The following TRAPPC8 variants were observed in gnomAD, a reference collection of about 807,000 sequenced individuals.
TRAPPC8 encodes general sporulation gene 1 homolog.
Under a neutral mutation model 174.3 loss-of-function variants are expected in TRAPPC8, and 54 were observed. The ratio of observed to expected loss-of-function variants is 0.31; its 90% CI spans 0.25 to 0.39. The LOEUF is 0.39. TRAPPC8 is among the 10% of genes least tolerant of loss of function. The probability of loss-of-function intolerance (pLI) is 1.00; values close to 1 mark genes in which losing one functional copy is unlikely to be tolerated. For synonymous variants in TRAPPC8, 630 were observed against 579.9 expected (o/e 1.09, Z -1.24); for missense variants, 1,531 against 1,699.1 (o/e 0.90, Z 1.74).
chr18:31,881,524 C>G (rs1473608895), intron 12 of TRAPPC8, among the ~76,000 whole-genome samples: 1 of 151,886 alleles, frequency 6.6e-6, no homozygotes, highest in East Asian at 1.9e-4. Flanking sequence ...AAGATAAGAC[C>G]TCAAAGTATA....
At chr18:31,887,887 A>G (rs901599310) in intron 12 of TRAPPC8, among the ~76,000 whole-genome samples, 5 of 152,168 alleles carry the variant, frequency 3.3e-5, no homozygotes, top group African/African-American at 1.2e-4. Flanking sequence ...GGGTATTCAA[A>G]TACGAAGAGA....
chr18:31,890,017 C>T (rs905394728), intron 12 of TRAPPC8, among the ~76,000 whole-genome samples: 1 of 152,092 alleles, frequency 6.6e-6, no homozygotes, highest in Non-Finnish European at 1.5e-5. Flanking sequence ...CTCATATGCC[C>T]CTAATAGATC....
chr18:31,840,961 A>C (rs1359975245), intron 26 of TRAPPC8, among the ~76,000 whole-genome samples: 1 of 152,176 alleles, frequency 6.6e-6, no homozygotes, highest in Non-Finnish European at 1.5e-5. Context: ...AAAAGATTAT[A>C]GCCTAATCAG....
At position 31,829,569 on chromosome 18, in the gene TRAPPC8, G is replaced by A. The variant is rs986847182; in HGVS notation, c.*1186C>T. ...ACTAGCCACCCATCTCTCAAGAAGA[G>A]TTGTTCCAAGTACAGGTTTGGAATC... is the stretch of plus-strand genomic sequence containing the variant. On this transcript the variant is annotated 3_prime_UTR_variant, in exon 29 of 29. Coordinates refer to ENST00000283351, the MANE Select transcript of TRAPPC8 (RefSeq NM_014939.5). 6.6e-6 allele frequency: 1 copy of A among 152,264 alleles called. No homozygotes were observed. Among genetic ancestry groups the A allele is most frequent in the African/African-American group, 2.4e-5 (1 of 41,456 alleles). The allele number at this position is 152,264 out of a possible 1,614,324, so 9.4% of individuals were successfully genotyped here.
chr18:31,867,286 A>G lies in TRAPPC8; in HGVS notation c.2463+116T>C. On this transcript the variant is annotated intron_variant, in intron 17 of 28. Transcript: ENST00000283351. ...GCAATTCCTATGTCCTAATCTTCCA[A>G]ATTTTAGTTCTTAAGAAAACTAGAA... 3 of 844,170 alleles carry G rather than the reference A, an allele frequency of 3.6e-6. No individual in the cohort carries two copies. In the Admixed American group the frequency reaches 8.4e-5, roughly 24 times the overall value. The allele number at this position is 844,170 out of a possible 1,614,324, so 52.3% of individuals were successfully genotyped here. A position where few individuals can be genotyped will look rare whatever the true frequency, so the allele number is the denominator to read the frequency against.
Position 31,931,450 on chromosome 18 carries a change from G to A in TRAPPC8, c.231C>T (p.Thr77=), listed in dbSNP as rs150269989. 8 of 1,613,134 alleles carry A rather than the reference G, an allele frequency of 5.0e-6. No homozygotes were observed. The African/African-American group carries it at 1.1e-4, about 22-fold the overall frequency. ...GGATGGCTCCAGGCTGAGGTGGCTG[G>A]GTGACAATGTTGCTTACTGCTATCT... is the stretch of plus-strand genomic sequence containing the variant. ...NLKIAVSNIV[T]QPPQPGAIRK... is the part of the protein sequence containing the mutation. Residue 77 remains threonine (T), a synonymous_variant, in exon 2 of 29, where the codon ACC becomes ACT. Coordinates refer to ENST00000283351, the MANE Select transcript of TRAPPC8 (RefSeq NM_014939.5).
intron 9 of TRAPPC8, among the ~76,000 whole-genome samples, chr18:31,903,123 T>TGC (rs35793916): frequency 0.44 from 63,615 of 144,158 alleles, 13,854 homozygotes; most frequent in South Asian, 0.63. Context: ...CGTGCGTGCG[T>TGC]GTGTGTGTGT....
At chr18:31,878,320 T>C (rs1440280872) in intron 12 of TRAPPC8, among the ~76,000 whole-genome samples, 1 of 151,930 alleles carries the variant, frequency 6.6e-6, no homozygotes, top group Admixed American at 6.6e-5. Flanking sequence ...CAAAAAGAGA[T>C]TTGGGGCCTG....
chr18:31,840,897 C>A (rs1399842331), intron 26 of TRAPPC8, among the ~76,000 whole-genome samples: 1 of 151,474 alleles, frequency 6.6e-6, no homozygotes, highest in Admixed American at 6.6e-5. Flanking sequence ...CAAGTAACAC[C>A]CTGGGGCTAC....
At chr18:31,839,478 C>T in intron 26 of TRAPPC8, 21 bp from the exon 27 acceptor site, 2 of 1,532,978 alleles carry the variant, frequency 1.3e-6, no homozygotes, top group Non-Finnish European at 1.8e-6. Context: ...AAAGAAAAAA[C>T]ATATGACAAT....
intron 2 of TRAPPC8, among the ~76,000 whole-genome samples, chr18:31,928,933 C>T (rs942867934): frequency 2.9e-4 from 44 of 152,132 alleles, no homozygotes; most frequent in Non-Finnish European, 5.9e-4. Flanking sequence ...GTAATCCCAG[C>T]ACTTTGGGAG....
chr18:31,834,949 T>A (rs991828452), intron 27 of TRAPPC8, among the ~76,000 whole-genome samples: 3 of 152,202 alleles, frequency 2.0e-5, no homozygotes, highest in African/African-American at 7.2e-5. Flanking sequence ...TTTAACTGTA[T>A]TGTCCTCTCA....
intron 12 of TRAPPC8, among the ~76,000 whole-genome samples, chr18:31,890,365 A>T (rs925414773): frequency 7.9e-5 from 12 of 152,286 alleles, no homozygotes; most frequent in Middle Eastern, 3.4e-3. Context: ...GGATTTTTTT[A>T]AAAAGTACTT....
chr18:31,901,110 T>C (rs927347755), intron 9 of TRAPPC8, 85 bp from the exon 10 acceptor site: 1 of 1,256,838 alleles, frequency 8.0e-7, no homozygotes, highest in Non-Finnish European at 1.1e-6. Flanking sequence ...GGAATGAAAT[T>C]TGCTGTTTTT....
intron 18 of TRAPPC8, among the ~76,000 whole-genome samples, chr18:31,865,361 T>A (rs1488213693): frequency 6.6e-6 from 1 of 152,042 alleles, no homozygotes; most frequent in Non-Finnish European, 1.5e-5. Flanking sequence ...AGTGCATGTA[T>A]GTGTGAAAAA....
chr18:31,941,035 AAAAAG>A (rs2038313783), intron 1 of TRAPPC8, among the ~76,000 whole-genome samples: 1 of 152,230 alleles, frequency 6.6e-6, no homozygotes, highest in African/African-American at 2.4e-5. Flanking sequence ...ATGAGGACTA[AAAAAG>A]AAAAGTTACA....
At chr18:31,893,204 G>C (rs781752065) in intron 11 of TRAPPC8, among the ~76,000 whole-genome samples, 13 of 151,984 alleles carry the variant, frequency 8.6e-5, no homozygotes, top group Admixed American at 2.6e-4. Context: ...TCTTAATATT[G>C]GTCCTTTGTG....
intron 7 of TRAPPC8, 105 bp downstream of exon 7, chr18:31,908,649 T>G (rs546003205): frequency 8.0e-7 from 1 of 1,249,324 alleles, no homozygotes; most frequent in African/African-American, 1.5e-5. Flanking sequence ...AATATTGGCC[T>G]ATCTTAAAAC....
In TRAPPC8 at chr18:31,873,376, G is replaced by T. The variant is rs1262396554; in HGVS notation, c.2062+54C>A. 7 of 1,403,458 alleles carry T rather than the reference G, an allele frequency of 5.0e-6. No homozygotes were observed. In the Admixed American group the frequency reaches 6.3e-5, roughly 13 times the overall value. The allele number at this position is 1,403,458 out of a possible 1,614,324, so 86.9% of individuals were successfully genotyped here. ...CGTTTTTTAAATGGAGAAAGGAAAA[G>T]AAGTTTTTTTTAAATTGTCATTAGG... On this transcript the variant is annotated intron_variant, in intron 14 of 28. Coordinates refer to ENST00000283351, the MANE Select transcript of TRAPPC8 (RefSeq NM_014939.5).
Sources: allele counts gnomAD v4.1 joint callset (sites outside exome capture counted in the v4.1 genomes callset), GRCh38; gene constraint gnomAD v4.1.1; transcripts MANE v1.5; gene names NCBI Gene and HGNC (gene_info 2026-07-23, HGNC 2026-07-21).